FIRRM: variants seen among roughly 807,000 people sequenced by gnomAD.
FIRRM encodes FIGNL1 interacting regulator of recombination and mitosis, also known as FIGNL1-interacting regulator of recombination and mitosis.
At chr1:169,825,280 C>G in the FIRRM span, among the ~76,000 whole-genome samples, 8 of 152,338 alleles carry the variant, frequency 5.3e-5, no homozygotes, top group Admixed American at 5.2e-4. Flanking sequence ...CTCAACCCCT[C>G]AAAATGACTT....
At chr1:169,828,754 G>T in the FIRRM span, among the ~76,000 whole-genome samples, 18 of 152,030 alleles carry the variant, frequency 1.2e-4, no homozygotes, top group African/African-American at 4.3e-4. Flanking sequence ...TCACTATGTT[G>T]CCCAGGTCTT....
the FIRRM span, among the ~76,000 whole-genome samples, chr1:169,845,844 T>TGTTAATGTTGATATTTTGA: frequency 6.6e-6 from 1 of 152,216 alleles, no homozygotes; most frequent in Admixed American, 6.5e-5. Flanking sequence ...TTCTAATTCC[T>TGTTAATGTTGATATTTTGA]GTTAATGTTG....
the FIRRM span, chr1:169,853,845 A>C: frequency 1.3e-6 from 2 of 1,549,136 alleles, no homozygotes; most frequent in Non-Finnish European, 1.8e-6. Flanking sequence ...AAATTTGAAA[A>C]AGCAGGAATT....
At chr1:169,806,619 G>A in the FIRRM span, among the ~76,000 whole-genome samples, 6 of 152,172 alleles carry the variant, frequency 3.9e-5, no homozygotes, top group Admixed American at 3.9e-4. Context: ...AAATGGTTAA[G>A]AATATCTACT....
the FIRRM span, among the ~76,000 whole-genome samples, chr1:169,800,318 T>C: frequency 1.3e-5 from 2 of 152,176 alleles, no homozygotes; most frequent in African/African-American, 4.8e-5. Flanking sequence ...GTGTTGGGAT[T>C]ACAGGCGTGA....
chr1:169,830,282 A>G, the FIRRM span: 4 of 1,613,470 alleles, frequency 2.5e-6, no homozygotes, highest in African/African-American at 5.3e-5. Flanking sequence ...TGAATGCTGT[A>G]CTTAGTGCTA....
chr1:169,821,806 A>G, the FIRRM span: 11 of 1,297,536 alleles, frequency 8.5e-6, no homozygotes, highest in Non-Finnish European at 1.2e-5. Context: ...GTTCTCTCAG[A>G]AAACGAATTA....
chr1:169,842,141 A>G, the FIRRM span, among the ~76,000 whole-genome samples: 1 of 151,128 alleles, frequency 6.6e-6, no homozygotes, highest in Non-Finnish European at 1.5e-5. Context: ...GCACCACTGC[A>G]CTCCAGCCTG....
the FIRRM span, chr1:169,795,602 T>C: frequency 9.9e-7 from 1 of 1,007,804 alleles, no homozygotes; most frequent in Non-Finnish European, 1.2e-6. Context: ...TGGCTCTTAA[T>C]AGTTTGAGGT....
chr1:169,792,346 G>A, the FIRRM span, among the ~76,000 whole-genome samples: 8 of 152,238 alleles, frequency 5.3e-5, no homozygotes, highest in African/African-American at 1.7e-4. Flanking sequence ...GGAGAATACC[G>A]GATTTTCTTA....
chr1:169,819,649 A>G, the FIRRM span, among the ~76,000 whole-genome samples: 1 of 152,208 alleles, frequency 6.6e-6, no homozygotes, highest in South Asian at 2.1e-4. Flanking sequence ...ACTTTGAATT[A>G]AGCTGACTTT....
the FIRRM span, chr1:169,852,816 G>A: frequency 6.2e-7 from 1 of 1,614,078 alleles, no homozygotes; most frequent in Non-Finnish European, 8.5e-7. Flanking sequence ...CTCGTCAGGA[G>A]TTCCCCTGGG....
the FIRRM span, among the ~76,000 whole-genome samples, chr1:169,797,744 A>G: frequency 6.6e-6 from 1 of 151,946 alleles, no homozygotes; most frequent in Admixed American, 6.6e-5. Context: ...TGGTTTCACC[A>G]TGTTGGCCAG....
chr1:169,849,172 C>T, the FIRRM span, among the ~76,000 whole-genome samples: 1 of 152,196 alleles, frequency 6.6e-6, no homozygotes, highest in African/African-American at 2.4e-5. Context: ...GTGAAGTCCT[C>T]ACCAAGGTGA....
At chr1:169,793,581 G>C in the FIRRM span, 1 of 1,614,116 alleles carries the variant, frequency 6.2e-7, no homozygotes, top group South Asian at 1.1e-5. Context: ...TCTCCTTTTT[G>C]ACTTTCTGAG....
chr1:169,814,998 A>C, the FIRRM span, among the ~76,000 whole-genome samples: 2 of 151,764 alleles, frequency 1.3e-5, no homozygotes, highest in East Asian at 3.9e-4. Context: ...CAAGTTTATT[A>C]AGAAAGTAAA....
At chr1:169,809,846 A>G in the FIRRM span, among the ~76,000 whole-genome samples, 2 of 152,258 alleles carry the variant, frequency 1.3e-5, no homozygotes, top group East Asian at 3.9e-4. Flanking sequence ...TTACCAATCA[A>G]AGTAAAGTAT....
chr1:169,804,085 C>G, the FIRRM span: 54 of 1,466,660 alleles, frequency 3.7e-5, no homozygotes, highest in Non-Finnish European at 3.4e-5. Context: ...AATAGTGAAT[C>G]TGTGTATTCT....
chr1:169,787,947 G>A, the FIRRM span, among the ~76,000 whole-genome samples: 1 of 152,086 alleles, frequency 6.6e-6, no homozygotes, highest in South Asian at 2.1e-4. Context: ...GAAGTTTGTA[G>A]TACTAAGCCA....
Sources: gnomAD v4.1 joint callset for allele counts (sites outside exome capture counted in the v4.1 genomes callset) on GRCh38, gnomAD v4.1.1 for gene constraint, MANE v1.5 for transcripts, NCBI Gene and HGNC (gene_info 2026-07-23, HGNC 2026-07-21) for gene names.